POU2F2: variants seen among roughly 807,000 people sequenced by gnomAD.
POU2F2 encodes POU domain, class 2, transcription factor 2.
POU2F2 carries 14 observed loss-of-function variants against 63.5 expected under a neutral mutation model. That is an observed-to-expected ratio of 0.22 (90% CI 0.15 to 0.34). POU2F2 has a LOEUF of 0.34. Among genes scored for constraint, POU2F2 ranks in the 10% least tolerant of loss-of-function variants. The pLI is 1.00. For missense variants in POU2F2, 607 were observed against 815.2 expected (o/e 0.74, Z 3.11); for synonymous variants, 306 against 348.6 (o/e 0.88, Z 1.36).
At chr19:42,195,239 T>C (rs1425921700) in intron 1 of POU2F2, among the ~76,000 whole-genome samples, 1 of 151,440 alleles carries the variant, frequency 6.6e-6, no homozygotes, top group East Asian at 1.9e-4. Context: ...CCAGCGTCCC[T>C]GCTGTTAACG....
At chr19:42,165,004 C>G (rs950407309) in intron 1 of POU2F2, among the ~76,000 whole-genome samples, 1 of 150,388 alleles carries the variant, frequency 6.6e-6, no homozygotes, top group Non-Finnish European at 1.5e-5. Context: ...TTTTGTTGTT[C>G]GTTTAACTAG....
rs1457716907 is a variant in POU2F2, at chr19:42,092,987, G to A, written c.1265-717C>T. On this transcript the variant is annotated intron_variant, in intron 12 of 14. Transcript: ENST00000692977. The surrounding 1 kb of genome is among the most constrained non-coding windows in gnomAD (Gnocchi z 5.0). ...ATGCATATATATATTATGTGTGTGT[G>A]TATATATATATATATATATATATTT... Among the ~76,000 whole-genome samples the A allele has an allele frequency of 1.1e-5, 1 of 92,912 alleles. No individual in the cohort carries two copies. The highest frequency in any genetic ancestry group is 2.8e-4 in the East Asian group (1 of 3,584). 61.0% of individuals were successfully genotyped at this position (92,912 alleles called of 152,430 possible). A position where few individuals can be genotyped will look rare whatever the true frequency, so the allele number is the denominator to read the frequency against.
Position 42,095,614 on chromosome 19 carries a change from G to A in POU2F2, c.951C>T (p.Gly317=), listed in dbSNP as rs375184543. The part of the protein sequence containing the change: ...SPSLGFDGLP[G]RRRKKRTSIE... ...TGCTGGTCCTCTTCTTGCGTCTCCG[G>A]CCGGGCAGGCCGTCGAAACCCAGGC... Residue 317 remains glycine, a synonymous_variant, in exon 10 of 15, where the codon GGC becomes GGT. Coordinates refer to ENST00000692977, the MANE Select transcript of POU2F2 (RefSeq NM_001394376.1). This position sits in a 1 kb window ranked among gnomAD's most constrained non-coding sequence, Gnocchi z 7.1. The A allele has an allele frequency of 1.6e-5, 25 of 1,612,862 alleles. No homozygotes were observed. The Admixed American group carries it at 2.7e-4, about 17-fold the overall frequency.
At position 42,194,219 on chromosome 19, in the gene POU2F2, C is replaced by CA. The variant is rs1254639264; in HGVS notation, c.-70+2163dup. ...GCAACATAGTGAGACCCCGTCTCTA[C>CA]AAAAAAAATAATAATAATAAGCCAG... On this transcript the variant is annotated intron_variant, in intron 1 of 5. Coordinates refer to the POU2F2 transcript ENST00000532176. Among the ~76,000 whole-genome samples the CA allele has an allele frequency of 4.7e-5, 7 of 149,868 alleles. No individual in the cohort carries two copies. The East Asian group carries it at 5.9e-4, about 13-fold the overall frequency.
chr19:42,177,074 G>C (rs2034899299), upstream of POU2F2: 1 of 149,508 alleles, frequency 6.7e-6, no homozygotes, highest in Non-Finnish European at 1.5e-5. Flanking sequence ...GCAGGCGGGC[G>C]GGCGCGCAGG....
rs1175196464 is a variant in POU2F2 at position 42,092,294 on chromosome 19, G to T, written c.1265-24C>A. On this transcript the variant is annotated intron_variant, in intron 12 of 14. Coordinates refer to ENST00000692977, the MANE Select transcript of POU2F2 (RefSeq NM_001394376.1). This position sits in a 1 kb window ranked among gnomAD's most constrained non-coding sequence, Gnocchi z 5.0. ...AACTGCCAGAGAGAGACAGAAAGAT[G>T]GGGTCTTCAGCTTCCACTCGTCCCC... 12 of 1,513,418 alleles carry T rather than the reference G, an allele frequency of 7.9e-6. No homozygotes were observed. The highest frequency in any genetic ancestry group is 1.1e-5 in the Non-Finnish European group (12 of 1,113,270). 93.7% of individuals were successfully genotyped at this position (1,513,418 alleles called of 1,614,324 possible). A position where few individuals can be genotyped will look rare whatever the true frequency, so the allele number is the denominator to read the frequency against.
intron 1 of POU2F2, among the ~76,000 whole-genome samples, chr19:42,129,156 TC>T (rs2033474589): frequency 6.6e-6 from 1 of 152,076 alleles, no homozygotes; most frequent in Admixed American, 6.6e-5. Flanking sequence ...TCTAATGTGC[TC>T]CATCCCCTGG....
At chr19:42,189,858 G>C (rs561290633) in intron 1 of POU2F2, among the ~76,000 whole-genome samples, 1 of 152,236 alleles carries the variant, frequency 6.6e-6, no homozygotes, top group East Asian at 1.9e-4. Flanking sequence ...GAGTAGCTGG[G>C]ACCACAACAA....
chr19:42,086,453 C>G lies in POU2F2; in HGVS notation c.*4804G>C, dbSNP rs928593950. On this transcript the variant is annotated 3_prime_UTR_variant, in exon 15 of 15. Transcript: ENST00000692977. ...ACTTGCCACCCCCTCCAACTTCACC[C>G]ACCCCCATTCCAACCTGGTCATTCT... is the stretch of plus-strand genomic sequence containing the variant. The G allele has an allele frequency of 1.3e-5, 2 of 152,226 alleles. No individual in the cohort carries two copies. The highest frequency in any genetic ancestry group is 4.8e-5 in the African/African-American group (2 of 41,426). 9.4% of individuals were successfully genotyped at this position (152,226 alleles called of 1,614,324 possible).
intron 2 of POU2F2, among the ~76,000 whole-genome samples, chr19:42,143,217 A>C (rs2034163876): frequency 6.6e-6 from 1 of 152,140 alleles, no homozygotes; most frequent in African/African-American, 2.4e-5. Flanking sequence ...ACAAAAAATT[A>C]GCTGGGTGTG....
At chr19:42,171,950 ATGTGTATG>A (rs2034778689) in intron 1 of POU2F2, among the ~76,000 whole-genome samples, 2 of 152,046 alleles carry the variant, frequency 1.3e-5, no homozygotes, top group South Asian at 4.2e-4. Flanking sequence ...GCATGTGTAT[ATGTGTATG>A]TGTGTGTGAT....
At position 42,150,049 on chromosome 19, in the gene POU2F2, C is replaced by T. The variant is rs369156712; in HGVS notation, c.-9+10283G>A. On this transcript the variant is annotated intron_variant, in intron 2 of 6. Transcript: ENST00000524801. ...TGTCTCCCCTCTTCAGTGCCTGGTCCCCACAGACACCCTACCTGTTCTTGT... is the reference window on the plus strand; with the variant it reads ...TGTCTCCCCTCTTCAGTGCCTGGTCTCCACAGACACCCTACCTGTTCTTGT... Among the ~76,000 whole-genome samples, 10 of 152,294 alleles carry T rather than the reference C, an allele frequency of 6.6e-5. 1 individual carries two copies. In the East Asian group the frequency reaches 9.7e-4, roughly 15 times the overall value.
chr19:42,124,660 C>T (rs996352535), intron 1 of POU2F2, among the ~76,000 whole-genome samples: 1 of 152,204 alleles, frequency 6.6e-6, no homozygotes, highest in Non-Finnish European at 1.5e-5. Context: ...CTGGAAACAG[C>T]CTAAGGGGCC....
rs890745918 is a variant in POU2F2, at chr19:42,153,772, C to T, written c.-9+6560G>A. On this transcript the variant is annotated intron_variant, in intron 2 of 6. Transcript: ENST00000524801. This position sits in a 1 kb window ranked among gnomAD's most constrained non-coding sequence, Gnocchi z 5.6. ...GTGTGTCATGGTGACTTGGTGTAGA[C>T]GGCACGGTGTATGTGTGTAGAGGCT... Among the ~76,000 whole-genome samples, 6 of 151,840 alleles carry T rather than the reference C, an allele frequency of 4.0e-5. No homozygotes were observed. The highest frequency in any genetic ancestry group is 6.6e-5 in the Admixed American group (1 of 15,252).
At chr19:42,175,294 G>C (rs2034852068) in intron 1 of POU2F2, among the ~76,000 whole-genome samples, 1 of 152,208 alleles carries the variant, frequency 6.6e-6, no homozygotes, top group African/African-American at 2.4e-5. Context: ...TGGGGTTTCA[G>C]AACAGGGGTT....
At chr19:42,127,517 G>C (rs2033314947) in intron 1 of POU2F2, among the ~76,000 whole-genome samples, 1 of 152,088 alleles carries the variant, frequency 6.6e-6, no homozygotes, top group South Asian at 2.1e-4. Flanking sequence ...CAAATAGCTG[G>C]GATTACATGT....
At chr19:42,107,075 C>A (rs1448230198) in intron 5 of POU2F2, among the ~76,000 whole-genome samples, 1 of 151,798 alleles carries the variant, frequency 6.6e-6, no homozygotes, top group Non-Finnish European at 1.5e-5. Context: ...TGGCTGGGTG[C>A]GGTGGCTCAT....
intron 1 of POU2F2, among the ~76,000 whole-genome samples, chr19:42,160,705 G>A (rs2034536352): frequency 6.6e-6 from 1 of 152,206 alleles, no homozygotes; most frequent in African/African-American, 2.4e-5. Flanking sequence ...GTGTCTTGAA[G>A]CTTTTGTGTT....
intron 5 of POU2F2, chr19:42,110,614 G>A: frequency 2.5e-6 from 1 of 407,712 alleles, no homozygotes; most frequent in Non-Finnish European, 4.9e-6. Flanking sequence ...AACTGTACAG[G>A]ATCACGATGC....
Sources: gnomAD v4.1 joint callset for allele counts (sites outside exome capture counted in the v4.1 genomes callset) on GRCh38, gnomAD v4.1.1 for gene constraint, Gnocchi (gnomAD v3.1) non-coding constraint, MANE v1.5 for transcripts, NCBI Gene and HGNC (gene_info 2026-07-23, HGNC 2026-07-21) for gene names.